NFKB1: variants seen among roughly 807,000 people sequenced by gnomAD.
NFKB1 encodes the protein nuclear factor NF-kappa-B p105 subunit.
A neutral mutation model predicts 105.1 loss-of-function variants in NFKB1; 9 were observed. The ratio of observed to expected loss-of-function variants is 0.09; its 90% CI spans 0.05 to 0.15. NFKB1 has a LOEUF of 0.15. Among genes scored for constraint, NFKB1 ranks in the 10% least tolerant of loss-of-function variants. The pLI is 1.00. For synonymous variants in NFKB1, 440 were observed against 442.2 expected, an observed-to-expected ratio of 1.00 and a Z score of 0.06; for missense variants, 830 against 1,203.7, an observed-to-expected ratio of 0.69 and a Z score of 4.59.
Position 102,529,752 on chromosome 4 carries a change from T to TAATA in NFKB1, c.40-83_40-82insATAA, listed in dbSNP as rs1261332687. On this transcript the variant is annotated intron_variant, in intron 2 of 23. Transcript: ENST00000226574. The stretch of plus-strand genomic sequence containing the variant: ...TTGGCTTTAGTTTCATTCCTATTAT[T>TAATA]ACATTTTAGGTGTCCCAACTTCAAA... 1.9e-5 allele frequency: 18 copies of TAATA among 949,040 alleles called. No individual in the cohort carries two copies. In the African/African-American group the frequency reaches 2.5e-4, roughly 13 times the overall value. The allele number at this position is 949,040 out of a possible 1,614,324, so 58.8% of individuals were successfully genotyped here. A position where few individuals can be genotyped will look rare whatever the true frequency, so the allele number is the denominator to read the frequency against.
At chr4:102,595,921 G>A (rs921838455) in intron 13 of NFKB1, among the ~76,000 whole-genome samples, 4 of 152,128 alleles carry the variant, frequency 2.6e-5, no homozygotes, top group Non-Finnish European at 4.4e-5. Flanking sequence ...TAAGATTTTA[G>A]AAGTATACTA....
intron 1 of NFKB1, among the ~76,000 whole-genome samples, chr4:102,504,351 T>C (rs981823166): frequency 6.6e-6 from 1 of 152,206 alleles, no homozygotes; most frequent in Non-Finnish European, 1.5e-5. Flanking sequence ...GTCCACAGAT[T>C]GATCAGAAAT....
intron 13 of NFKB1, 122 bp downstream of exon 13, chr4:102,595,103 A>G (rs1726498079): frequency 3.4e-6 from 2 of 594,498 alleles, no homozygotes; most frequent in Non-Finnish European, 2.9e-6. Context: ...GATGAATGCA[A>G]ATAAACTAAG....
At chr4:102,565,493 C>A (rs959950166) in intron 5 of NFKB1, among the ~76,000 whole-genome samples, 11 of 152,218 alleles carry the variant, frequency 7.2e-5, no homozygotes, top group African/African-American at 2.6e-4. Context: ...GAAAATTGTA[C>A]CAAAACCCTG....
intron 19 of NFKB1, among the ~76,000 whole-genome samples, chr4:102,609,937 A>G (rs1172837457): frequency 1.3e-5 from 2 of 152,222 alleles, no homozygotes; most frequent in Non-Finnish European, 2.9e-5. Context: ...CTCTAGCTCT[A>G]GTCTTTGAGT....
Position 102,605,003 on chromosome 4 carries a change from A to G in NFKB1, c.1753-1493A>G, listed in dbSNP as rs147734072. 3.8e-4 allele frequency among the ~76,000 whole-genome samples: 58 copies of G among 151,996 alleles called. 2 individuals are homozygous for G. The East Asian group carries it at 0.011, about 29-fold the overall frequency. ...AAAAAAAACCTCTCCGACTCATAAG[A>G]TATTTTTTAATTAAATTCAAGCTAC... On this transcript the variant is annotated intron_variant, in intron 16 of 23. Coordinates refer to ENST00000226574, the MANE Select transcript of NFKB1 (RefSeq NM_003998.4).
intron 5 of NFKB1, among the ~76,000 whole-genome samples, chr4:102,565,894 C>G (rs1421937631): frequency 6.6e-6 from 1 of 152,176 alleles, no homozygotes. Context: ...ACCAACTAAT[C>G]TAGGTTTTGG....
intron 5 of NFKB1, among the ~76,000 whole-genome samples, chr4:102,545,683 T>C (rs1722081321): frequency 6.6e-6 from 1 of 152,120 alleles, no homozygotes; most frequent in African/African-American, 2.4e-5. Flanking sequence ...TGGGTGGGCT[T>C]CAGAATCGTC....
At chr4:102,512,107 A>G (rs542844796) in intron 1 of NFKB1, among the ~76,000 whole-genome samples, 9 of 152,296 alleles carry the variant, frequency 5.9e-5, no homozygotes, top group African/African-American at 1.9e-4. Flanking sequence ...TAAACAAAAT[A>G]CTGTTTTTCC....
chr4:102,556,696 A>G (rs1196480157), intron 5 of NFKB1, among the ~76,000 whole-genome samples: 1 of 152,210 alleles, frequency 6.6e-6, no homozygotes, highest in Non-Finnish European at 1.5e-5. Flanking sequence ...AGCATTAGTA[A>G]TTAGAGATTT....
intron 5 of NFKB1, among the ~76,000 whole-genome samples, chr4:102,550,744 TTCAG>T (rs760232574): frequency 2.0e-5 from 3 of 152,236 alleles, no homozygotes; most frequent in South Asian, 2.1e-4. Context: ...ACAGAGAGCA[TTCAG>T]TCAGAGTAAT....
intron 1 of NFKB1, among the ~76,000 whole-genome samples, chr4:102,521,741 A>G (rs1242604024): frequency 6.6e-6 from 1 of 152,176 alleles, no homozygotes; most frequent in African/African-American, 2.4e-5. Flanking sequence ...GCCTTCACCA[A>G]GAAGCTCATG....
chr4:102,560,042 C>T (rs1723283205), intron 5 of NFKB1, among the ~76,000 whole-genome samples: 1 of 150,972 alleles, frequency 6.6e-6, no homozygotes, highest in Non-Finnish European at 1.5e-5. Flanking sequence ...ACACAACTGG[C>T]AAAAAAAAGT....
chr4:102,552,144 T>G (rs2149145093), intron 5 of NFKB1, among the ~76,000 whole-genome samples: 1 of 152,308 alleles, frequency 6.6e-6, no homozygotes, highest in East Asian at 1.9e-4. Flanking sequence ...GTAGTACTGC[T>G]GGGCACCACA....
chr4:102,556,056 G>C (rs1315029099), intron 5 of NFKB1, among the ~76,000 whole-genome samples: 1 of 152,142 alleles, frequency 6.6e-6, no homozygotes, highest in Admixed American at 6.6e-5. Context: ...TTTTGGGGTG[G>C]TACTCAGCTG....
At chr4:102,512,722 C>A (rs988044635) in intron 1 of NFKB1, among the ~76,000 whole-genome samples, 1 of 152,144 alleles carries the variant, frequency 6.6e-6, no homozygotes, top group Admixed American at 6.5e-5. Context: ...TGATGGCTTG[C>A]AAATTATTAT....
rs1226814942 is a variant in NFKB1, at chr4:102,504,956, CT to C, written c.-8+3172del. Among the ~76,000 whole-genome samples, 8 of 152,084 alleles carry C rather than the reference CT, an allele frequency of 5.3e-5. No homozygotes were observed. The South Asian group carries it at 1.7e-3, about 32-fold the overall frequency. ...AATAGTTCTGGTAACATAACCAAGC[CT>C]TTTATCTTTGTAGTATTTCATTAAT... On this transcript the variant is annotated intron_variant, in intron 1 of 23. Transcript: ENST00000226574.
At chr4:102,596,360 T>C (rs1271870240) in intron 14 of NFKB1, 28 bp downstream of exon 14, 2 of 1,568,156 alleles carry the variant, frequency 1.3e-6, no homozygotes, top group Admixed American at 1.8e-5. Context: ...TTACGTTCTG[T>C]TGGTTGGCTG....
At chr4:102,552,056 G>A (rs1326545894) in intron 5 of NFKB1, among the ~76,000 whole-genome samples, 1 of 152,140 alleles carries the variant, frequency 6.6e-6, no homozygotes, top group African/African-American at 2.4e-5. Flanking sequence ...CTGCATTAAT[G>A]GAAACACGAT....
Sources: allele counts gnomAD v4.1 joint callset (sites outside exome capture counted in the v4.1 genomes callset), GRCh38; gene constraint gnomAD v4.1.1; transcripts MANE v1.5; gene names NCBI Gene and HGNC (gene_info 2026-07-23, HGNC 2026-07-21).